The following CRADD variants were observed in gnomAD, a reference collection of about 807,000 sequenced individuals.
CRADD encodes death domain-containing protein CRADD.
CRADD carries 9 observed loss-of-function variants against 15.5 expected under a neutral mutation model. That is an observed-to-expected ratio of 0.58 (90% CI 0.35 to 1.01). The LOEUF is 1.01. Ranked by LOEUF, CRADD falls within the 50% of genes least tolerant of loss-of-function variation. The pLI is 0.02. For missense variants in CRADD, 227 were observed against 250.3 expected (o/e 0.91, Z 0.63); for synonymous variants, 118 against 107.6 (o/e 1.10, Z -0.60).
chr12:93,738,069 G>A (rs569548650), intron 2 of CRADD: 8 of 471,052 alleles, frequency 1.7e-5, no homozygotes, highest in South Asian at 1.0e-4. Context: ...CTTTCTATTC[G>A]TTTTTACTGT....
chr12:93,691,446 G>A (rs1328763114), intron 2 of CRADD, among the ~76,000 whole-genome samples: 2 of 151,920 alleles, frequency 1.3e-5, no homozygotes, highest in Non-Finnish European at 2.9e-5. Context: ...TAGAGACAGG[G>A]TTTCACCATG....
chr12:93,711,756 C>CT lies in CRADD; in HGVS notation c.298+32698dup, dbSNP rs34557631. 6.9e-3 allele frequency among the ~76,000 whole-genome samples: 983 copies of CT among 142,050 alleles called. 17 individuals are homozygous for CT. Among genetic ancestry groups the CT allele is most frequent in the African/African-American group, 0.024 (938 of 38,736 alleles). 93.2% of individuals were successfully genotyped at this position (142,050 alleles called of 152,430 possible). On this transcript the variant is annotated intron_variant, in intron 2 of 2. Transcript: ENST00000332896. ...AAAACCTTTTGTACCCTCCTAGACT[C>CT]TTTTTTTTTTTTTTCTGGAGACAGA...
chr12:93,731,548 CCAAT>C (rs1956464905), intron 2 of CRADD, among the ~76,000 whole-genome samples: 1 of 152,272 alleles, frequency 6.6e-6, no homozygotes, highest in African/African-American at 2.4e-5. Flanking sequence ...GTTTACATAT[CCAAT>C]CAGTGTGAAA....
At chr12:93,724,709 TC>T (rs1299241032) in intron 2 of CRADD, among the ~76,000 whole-genome samples, 1 of 152,172 alleles carries the variant, frequency 6.6e-6, no homozygotes, top group Non-Finnish European at 1.5e-5. Context: ...TAATTTGTAT[TC>T]CCAATAAATG....
chr12:93,870,376 C>T (rs978729891), intron 2 of CRADD, among the ~76,000 whole-genome samples: 1 of 152,172 alleles, frequency 6.6e-6, no homozygotes, highest in Non-Finnish European at 1.5e-5. Flanking sequence ...GGAAGCTCTA[C>T]CCTGAGAATG....
At chr12:93,770,834 C>T (rs1957079137) in intron 2 of CRADD, among the ~76,000 whole-genome samples, 1 of 152,210 alleles carries the variant, frequency 6.6e-6, no homozygotes, top group Admixed American at 6.5e-5. Context: ...TCCACAAATA[C>T]ACACAGAGAC....
intron 2 of CRADD, among the ~76,000 whole-genome samples, chr12:93,752,455 C>G (rs1956838926): frequency 6.6e-6 from 1 of 152,080 alleles, no homozygotes; most frequent in Non-Finnish European, 1.5e-5. Flanking sequence ...AGAAGTAGAC[C>G]AGTAAAATAA....
intron 2 of CRADD, among the ~76,000 whole-genome samples, chr12:93,715,507 G>A (rs1956145870): frequency 6.6e-6 from 1 of 152,148 alleles, no homozygotes; most frequent in African/African-American, 2.4e-5. Flanking sequence ...TTAGTGTTAG[G>A]ATGTTTTGTC....
At chr12:93,890,908 G>A (rs952436769) in intron 2 of CRADD, among the ~76,000 whole-genome samples, 2 of 151,456 alleles carry the variant, frequency 1.3e-5, no homozygotes, top group African/African-American at 4.8e-5. Flanking sequence ...TGCCACACCT[G>A]ACTAATTTTT....
At position 93,815,557 on chromosome 12, in the gene CRADD, A is replaced by T. The variant is rs984364819; in HGVS notation, c.299-34413A>T. 4 of 152,346 alleles carry T rather than the reference A, an allele frequency of 2.6e-5. No individual in the cohort carries two copies. The South Asian group carries it at 8.3e-4, about 32-fold the overall frequency. 9.4% of individuals were successfully genotyped at this position (152,346 alleles called of 1,614,324 possible). On this transcript the variant is annotated intron_variant, in intron 2 of 2. Coordinates refer to ENST00000332896, the MANE Select transcript of CRADD (RefSeq NM_003805.5). ...ATTAATTTAAAAACATGGGCAGGTT[A>T]TATGATCTATGGATTTTATACCAGA...
At chr12:93,683,245 A>C (rs1287625471) in intron 2 of CRADD, among the ~76,000 whole-genome samples, 1 of 152,116 alleles carries the variant, frequency 6.6e-6, no homozygotes, top group Admixed American at 6.5e-5. Flanking sequence ...CTCCTGGGCC[A>C]CAGGACCCCC....
At chr12:93,857,181 C>CCATTT (rs1363445031) in intron 2 of CRADD, among the ~76,000 whole-genome samples, 2 of 151,128 alleles carry the variant, frequency 1.3e-5, no homozygotes, top group Non-Finnish European at 2.9e-5. Flanking sequence ...CATAATGTTT[C>CCATTT]CATTTCATTT....
Position 93,850,505 on chromosome 12 carries a change from GTTGTAA to G in CRADD, c.*239_*244del, listed in dbSNP as rs11277246. On this transcript the variant is annotated 3_prime_UTR_variant, in exon 3 of 3. Transcript: ENST00000332896. The surrounding 1 kb of genome is among the most constrained non-coding windows in gnomAD (Gnocchi z 4.0). ...TTTTTAATTGCTTGAAGATTGCATTGTTGTAATTGTTCAGTTTTTAAATGTGTAATG... is the reference window on the plus strand; with the variant it reads ...TTTTTAATTGCTTGAAGATTGCATTGTTGTTCAGTTTTTAAATGTGTAATG... 970 of 1,260,320 alleles carry G rather than the reference GTTGTAA, an allele frequency of 7.7e-4. 10 individuals are homozygous for G. In the African/African-American group the frequency reaches 0.014, roughly 18 times the overall value. The allele number at this position is 1,260,320 out of a possible 1,614,324, so 78.1% of individuals were successfully genotyped here.
intron 2 of CRADD, chr12:93,859,173 A>G: frequency 2.6e-6 from 1 of 391,090 alleles, no homozygotes; most frequent in Non-Finnish European, 5.1e-6. Flanking sequence ...TAACACACCC[A>G]GTTACCTGTT....
chr12:93,735,340 T>A (rs1369649157), intron 2 of CRADD, among the ~76,000 whole-genome samples: 1 of 152,132 alleles, frequency 6.6e-6, no homozygotes, highest in Non-Finnish European at 1.5e-5. Context: ...TATGGAAAGT[T>A]TGTAAAGTGG....
chr12:93,850,773 T>A (rs566987147), downstream of CRADD: 59 of 976,628 alleles, frequency 6.0e-5, no homozygotes, highest in East Asian at 5.7e-3. This position sits in a 1 kb window ranked among gnomAD's most constrained non-coding sequence, Gnocchi z 4.0. Context: ...TGTTGGGTTT[T>A]TTTTTTTCTT....
chr12:93,879,067 A>AT lies in CRADD; in HGVS notation c.299-14976dup, dbSNP rs555764731. The stretch of plus-strand genomic sequence containing the variant: ...ATATTCTTTATCTTTTTTCCTCATG[A>AT]TTTTTTTCTGTAGCTTTTTGCACTA... On this transcript the variant is annotated intron_variant, in intron 2 of 2. Coordinates refer to the CRADD transcript ENST00000548483. 1.1e-3 allele frequency among the ~76,000 whole-genome samples: 165 copies of AT among 150,738 alleles called. 1 individual carries two copies. The highest frequency in any genetic ancestry group is 3.5e-3 in the African/African-American group (143 of 41,006).
intron 2 of CRADD, among the ~76,000 whole-genome samples, chr12:93,679,301 C>T (rs1955232926): frequency 6.6e-6 from 1 of 152,074 alleles, no homozygotes; most frequent in Non-Finnish European, 1.5e-5. Context: ...GCCACCATGC[C>T]CTGCTAAGTT....
chr12:93,875,071 A>G (rs1301616920), intron 2 of CRADD, among the ~76,000 whole-genome samples: 1 of 152,022 alleles, frequency 6.6e-6, no homozygotes, highest in Non-Finnish European at 1.5e-5. Context: ...TTCAGCTCTA[A>G]TATTTGTTTT....
Sources: gnomAD v4.1 joint callset for allele counts (sites outside exome capture counted in the v4.1 genomes callset) on GRCh38, gnomAD v4.1.1 for gene constraint, Gnocchi (gnomAD v3.1) non-coding constraint, MANE v1.5 for transcripts, NCBI Gene and HGNC (gene_info 2026-07-23, HGNC 2026-07-21) for gene names.